The following TTPAL variants were observed in gnomAD, a reference collection of about 807,000 sequenced individuals.
The protein encoded by TTPAL is alpha tocopherol transfer protein like.
TTPAL carries 21 observed loss-of-function variants against 28.7 expected under a neutral mutation model. The ratio of observed to expected loss-of-function variants is 0.73; its 90% CI spans 0.52 to 1.06. TTPAL has a LOEUF of 1.06. Ranked by LOEUF, TTPAL falls within the 50% of genes least tolerant of loss-of-function variation. The pLI is 0.00. For missense variants in TTPAL, 345 were observed against 425.5 expected (o/e 0.81, Z 1.67); for synonymous variants, 169 against 171.9 (o/e 0.98, Z 0.13).
At chr20:44,486,754 T>C (rs768622463) in intron 4 of TTPAL, 48 bp downstream of exon 4, 1 of 1,136,278 alleles carries the variant, frequency 8.8e-7, no homozygotes, top group South Asian at 1.4e-5. Context: ...CCTCTGTTGA[T>C]TTATTTGTGA....
At position 44,493,546 on chromosome 20, in the gene TTPAL, C is replaced by T. The variant is rs186281431; in HGVS notation, c.*4005C>T. 10 of 152,370 alleles carry T rather than the reference C, an allele frequency of 6.6e-5. No homozygotes were observed. In the East Asian group the frequency reaches 1.9e-3, roughly 29 times the overall value. 9.4% of individuals were successfully genotyped at this position (152,370 alleles called of 1,614,324 possible). A position where few individuals can be genotyped will look rare whatever the true frequency, so the allele number is the denominator to read the frequency against. On this transcript the variant is annotated 3_prime_UTR_variant, in exon 5 of 5. Coordinates refer to ENST00000262605, the MANE Select transcript of TTPAL (RefSeq NM_001039199.3). The stretch of plus-strand genomic sequence containing the variant: ...GTTGCCAACATTTAATTAAGGTTTT[C>T]CTTTGAAGCCTCCTTTAATTTAGGG...
chr20:44,481,623 A>G (rs1013568446), intron 2 of TTPAL, among the ~76,000 whole-genome samples: 68 of 152,330 alleles, frequency 4.5e-4, no homozygotes, highest in African/African-American at 1.4e-3. Flanking sequence ...AGAACACACT[A>G]ATAGCCCTCT....
intron 1 of TTPAL, 155 bp from the exon 2 acceptor site, chr20:44,479,830 G>C (rs754942393): frequency 3.6e-5 from 24 of 670,366 alleles, no homozygotes; most frequent in Admixed American, 5.9e-5. Context: ...TCAGACTTGC[G>C]TGTATGGTTT....
In TTPAL at chr20:44,480,413, C is replaced by G. The variant is rs1294025818; in HGVS notation, c.414C>G (p.Pro138=). Reference sequence around the variant, plus strand: ...TCACCGTGCTGCCCCACACTGACCCCAGGGGCTGCCATGTCGTCTGCATCC... The same window carrying G: ...TCACCGTGCTGCCCCACACTGACCCGAGGGGCTGCCATGTCGTCTGCATCC... ...GFLTVLPHTD[P]RGCHVVCIRP... is the part of the protein sequence containing the mutation. Residue 138 remains proline (P), a synonymous_variant, in exon 2 of 5, where the codon CCC becomes CCG. Transcript: ENST00000262605. The surrounding 1 kb of genome is among the most constrained non-coding windows in gnomAD (Gnocchi z 4.1). 6.2e-7 allele frequency: 1 copy of G among 1,608,700 alleles called. No individual in the cohort carries two copies.
Position 44,489,474 on chromosome 20 carries a change from T to C in TTPAL, c.962T>C (p.Leu321Pro). 6.2e-7 allele frequency: 1 copy of C among 1,614,240 alleles called. No individual in the cohort carries two copies. Among genetic ancestry groups the C allele is most frequent in the Non-Finnish European group, 8.5e-7 (1 of 1,180,044 alleles). ...ILGQTLLPEG[L>P]TSDAQCDDSL... ...GGCCAGACGCTGCTGCCCGAGGGCCTGACCTCAGATGCACAGTGTGACGAC... is the reference window on the plus strand; with the variant it reads ...GGCCAGACGCTGCTGCCCGAGGGCCCGACCTCAGATGCACAGTGTGACGAC... The change falls in exon 5 of 5, where the codon CTG (leucine) becomes CCG (proline). Residue 321 changes from leucine to proline, a missense_variant. Transcript: ENST00000262605.
intron 4 of TTPAL, 138 bp from the exon 5 acceptor site, chr20:44,489,124 GA>G: frequency 1.0e-6 from 1 of 972,534 alleles, no homozygotes; most frequent in Non-Finnish European, 1.5e-6. Flanking sequence ...TTTCTGGGCT[GA>G]AAAAGTAAGG....
rs1006589639 is a variant in TTPAL at position 44,493,085 on chromosome 20, C to G, written c.*3544C>G. On this transcript the variant is annotated 3_prime_UTR_variant, in exon 5 of 5. Transcript: ENST00000262605. The stretch of plus-strand genomic sequence containing the variant: ...ATCACCTGAAGTCCGGAGTTTGAGA[C>G]CAGCCTGGCCAACATGGTGAAACCC... 1 of 152,214 alleles carries G rather than the reference C, an allele frequency of 6.6e-6. No individual in the cohort carries two copies. Among genetic ancestry groups the G allele is most frequent in the Non-Finnish European group, 1.5e-5 (1 of 68,040 alleles). 9.4% of individuals were successfully genotyped at this position (152,214 alleles called of 1,614,324 possible).
intron 4 of TTPAL, among the ~76,000 whole-genome samples, chr20:44,488,617 A>G (rs778882329): frequency 3.9e-5 from 6 of 152,138 alleles, no homozygotes; most frequent in Non-Finnish European, 8.8e-5. Context: ...TATTCAACTG[A>G]GTGGTTAGAG....
At position 44,480,166 on chromosome 20, in the gene TTPAL, G is replaced by A. The variant is rs1287872288; in HGVS notation, c.167G>A (p.Arg56Gln). ...CAGGAAAAGCCGGAATGGAGACTTC[G>A]AGATGTGCAGGCCCTTCGTGACATG... ...ELQEKPEWRL[R>Q]DVQALRDMVR... Residue 56 changes from arginine (R) to glutamine (Q), a missense_variant, in exon 2 of 5, where the codon CGA (arginine) becomes CAA (glutamine). Coordinates refer to ENST00000262605, the MANE Select transcript of TTPAL (RefSeq NM_001039199.3). The surrounding 1 kb of genome is among the most constrained non-coding windows in gnomAD (Gnocchi z 4.1). 5.6e-6 allele frequency: 9 copies of A among 1,614,126 alleles called. No individual in the cohort carries two copies. Among genetic ancestry groups the A allele is most frequent in the South Asian group, 1.1e-5 (1 of 91,076 alleles).
At chr20:44,488,921 G>C (rs1407547695) in intron 4 of TTPAL, among the ~76,000 whole-genome samples, 1 of 152,190 alleles carries the variant, frequency 6.6e-6, no homozygotes, top group Non-Finnish European at 1.5e-5. Flanking sequence ...AAAGAACTTA[G>C]ATTGCAGAGG....
At chr20:44,488,883 G>C (rs1303853621) in intron 4 of TTPAL, among the ~76,000 whole-genome samples, 1 of 152,204 alleles carries the variant, frequency 6.6e-6, no homozygotes, top group Non-Finnish European at 1.5e-5. Flanking sequence ...TGTACATAGA[G>C]GCACGACTGT....
At chr20:44,486,855 TGAG>T (rs770102740) in intron 4 of TTPAL, 149 bp downstream of exon 4, 197 of 580,798 alleles carry the variant, frequency 3.4e-4, no homozygotes, top group Admixed American at 4.6e-4. Flanking sequence ...GTCCCTTTTG[TGAG>T]GAGAAGATGG....
chr20:44,484,046 C>T (rs2064130038), intron 2 of TTPAL, among the ~76,000 whole-genome samples: 1 of 152,172 alleles, frequency 6.6e-6, no homozygotes. Flanking sequence ...CCTCCCACCT[C>T]GGCCTTCCAA....
At chr20:44,478,636 A>C (rs2064068199) in intron 1 of TTPAL, 1 of 152,254 alleles carries the variant, frequency 6.6e-6, no homozygotes, top group African/African-American at 2.4e-5. Context: ...CTGTTCCAAG[A>C]GATAACCATT....
intron 4 of TTPAL, 113 bp from the exon 5 acceptor site, chr20:44,489,150 A>C: frequency 1.6e-6 from 2 of 1,234,902 alleles, no homozygotes; most frequent in Non-Finnish European, 2.2e-6. Flanking sequence ...AGTTGCCATT[A>C]ACATTTCCTT....
chr20:44,478,757 A>C (rs1276248457), intron 1 of TTPAL: 1 of 152,224 alleles, frequency 6.6e-6, no homozygotes, highest in Non-Finnish European at 1.5e-5. Context: ...CTTTTTTAAT[A>C]TGTCAATTCA....
Position 44,484,428 on chromosome 20 carries a change from G to C in TTPAL, c.537G>C (p.Gln179His), listed in dbSNP as rs2064133810. ...AACTCATTCAGTCTGAAGAAACCCA[G>C]GTGAATGGAATTGTAATTCTTGCAG... The part of the protein sequence containing the change: ...LEKLIQSEET[Q>H]VNGIVILADY... Residue 179 changes from glutamine to histidine, a missense_variant, in exon 3 of 5, where the codon CAG (glutamine) becomes CAC (histidine). By Grantham distance (24) the Gln-to-His change is conservative. Transcript: ENST00000262605. 6.2e-7 allele frequency: 1 copy of C among 1,607,896 alleles called. No individual in the cohort carries two copies. The highest frequency in any genetic ancestry group is 8.5e-7 in the Non-Finnish European group (1 of 1,174,778).
At chr20:44,486,364 G>A (rs1179762970) in intron 3 of TTPAL, 2 of 352,712 alleles carry the variant, frequency 5.7e-6, no homozygotes, top group Admixed American at 9.1e-5. Context: ...TTACAGGCAT[G>A]AGCCACTACA....
intron 2 of TTPAL, among the ~76,000 whole-genome samples, chr20:44,481,433 G>A (rs2064104379): frequency 6.6e-6 from 1 of 152,096 alleles, no homozygotes; most frequent in Admixed American, 6.5e-5. Context: ...ACAATGACCA[G>A]GGGCTGCCAG....
Sources: gnomAD v4.1 joint callset for allele counts (sites outside exome capture counted in the v4.1 genomes callset) on GRCh38, gnomAD v4.1.1 for gene constraint, Gnocchi (gnomAD v3.1) non-coding constraint, MANE v1.5 for transcripts, NCBI Gene and HGNC (gene_info 2026-07-23, HGNC 2026-07-21) for gene names.